SGCD: variants seen among roughly 807,000 people sequenced by gnomAD.
SGCD encodes sarcoglycan delta, also known as delta-sarcoglycan.
A neutral mutation model predicts 36.6 loss-of-function variants in SGCD; 18 were observed. The ratio of observed to expected loss-of-function variants is 0.49; its 90% CI spans 0.34 to 0.73. The LOEUF (loss-of-function observed/expected upper bound fraction) is 0.73, where lower values mean the gene tolerates loss of function less well. SGCD is among the 30% of genes least tolerant of loss of function. The pLI is 0.01. For missense variants in SGCD, 387 were observed against 346.7 expected (o/e 1.12, Z -0.92); for synonymous variants, 133 against 130.6 (o/e 1.02, Z -0.12).
At chr5:155,814,061 A>G in the SGCD span, among the ~76,000 whole-genome samples, 1 of 152,192 alleles carries the variant, frequency 6.6e-6, no homozygotes, top group African/African-American at 2.4e-5. Context: ...CTACATGGCT[A>G]ATTAGTGGTT....
In SGCD at chr5:156,053,614, A is replaced by C. The variant is rs1393974870; in HGVS notation, c.-281-64264A>C. On this transcript the variant is annotated intron_variant, in intron 1 of 9. Transcript: ENST00000517913. ...GAGCTCTTGTGTGATTCCCCTGGCC[A>C]TGTGCCTATGAAGCCAGCCTTAACT... 1.4e-5 allele frequency among the ~76,000 whole-genome samples: 2 copies of C among 146,314 alleles called. 1 individual carries two copies. Among genetic ancestry groups the C allele is most frequent in the Non-Finnish European group, 3.1e-5 (2 of 64,936 alleles).
chr5:155,942,334 G>GTATCTATCTATCTATC (rs67577711), intron 1 of SGCD, among the ~76,000 whole-genome samples: 2,712 of 138,426 alleles, frequency 0.02, 45 homozygotes, highest in South Asian at 0.029. Context: ...ATGTATGTAT[G>GTATCTATCTATCTATC]TATCTATCTA....
At chr5:156,641,907 T>C (rs76867717) in intron 6 of SGCD, among the ~76,000 whole-genome samples, 4,294 of 152,280 alleles carry the variant, frequency 0.028, 186 homozygotes, top group African/African-American at 0.098. Context: ...CTTCCTTAAG[T>C]GTCTTTTCCA....
At chr5:156,648,814 A>T (rs913578655) in intron 7 of SGCD, among the ~76,000 whole-genome samples, 7 of 152,150 alleles carry the variant, frequency 4.6e-5, no homozygotes, top group Non-Finnish European at 8.8e-5. Flanking sequence ...CGTCTGAGAA[A>T]ACCTGCTTTT....
intron 1 of SGCD, among the ~76,000 whole-genome samples, chr5:155,888,804 C>T (rs1468281245): frequency 6.6e-6 from 1 of 151,976 alleles, no homozygotes; most frequent in East Asian, 1.9e-4. Flanking sequence ...TCTTTTTTCC[C>T]GAATTTCTTC....
chr5:155,834,954 G>A, the SGCD span, among the ~76,000 whole-genome samples: 1 of 149,256 alleles, frequency 6.7e-6, no homozygotes, highest in Admixed American at 6.7e-5. Context: ...TCCTGCCTCG[G>A]CCTCCTGAGT....
At chr5:156,223,022 A>G (rs1764757656) in intron 3 of SGCD, among the ~76,000 whole-genome samples, 1 of 152,084 alleles carries the variant, frequency 6.6e-6, no homozygotes, top group African/African-American at 2.4e-5. Context: ...TACTATTGAG[A>G]TGCATTTTTC....
At chr5:155,893,279 C>T (rs1292551171) in intron 1 of SGCD, among the ~76,000 whole-genome samples, 3 of 151,950 alleles carry the variant, frequency 2.0e-5, no homozygotes, top group African/African-American at 4.8e-5. Context: ...AAAAATAAAA[C>T]GTTAGAAAAA....
intron 4 of SGCD, among the ~76,000 whole-genome samples, chr5:156,583,774 C>A (rs1320242364): frequency 6.6e-6 from 1 of 152,080 alleles, no homozygotes; most frequent in Non-Finnish European, 1.5e-5. Flanking sequence ...AATAAGACAG[C>A]CTACAAGTCT....
chr5:156,087,629 A>G (rs1240868962), intron 1 of SGCD, among the ~76,000 whole-genome samples: 2 of 142,518 alleles, frequency 1.4e-5, no homozygotes, highest in East Asian at 4.2e-4. Flanking sequence ...GACAAGAGTG[A>G]AACTCCATCT....
intron 1 of SGCD, among the ~76,000 whole-genome samples, chr5:156,061,693 A>G (rs1760210702): frequency 6.9e-6 from 1 of 145,772 alleles, no homozygotes; most frequent in Admixed American, 6.9e-5. Flanking sequence ...TTAGGAAGAA[A>G]TAGAAAACTA....
chr5:155,808,165 T>A, the SGCD span, among the ~76,000 whole-genome samples: 4 of 152,228 alleles, frequency 2.6e-5, no homozygotes, highest in African/African-American at 9.6e-5. Context: ...GTGGGCCTCA[T>A]TGTTTCCACT....
At chr5:156,741,815 A>G (rs1756688758) in intron 7 of SGCD, among the ~76,000 whole-genome samples, 1 of 152,114 alleles carries the variant, frequency 6.6e-6, no homozygotes, top group African/African-American at 2.4e-5. Context: ...TAGTCTTACC[A>G]GCCAAAAAGA....
At chr5:156,689,047 C>A (rs1754014311) in intron 7 of SGCD, among the ~76,000 whole-genome samples, 1 of 152,144 alleles carries the variant, frequency 6.6e-6, no homozygotes, top group Non-Finnish European at 1.5e-5. Context: ...TTGGATCCTG[C>A]ATTTTAAAAA....
chr5:156,609,123 C>T (rs1034245957), intron 6 of SGCD, among the ~76,000 whole-genome samples: 8 of 151,718 alleles, frequency 5.3e-5, no homozygotes, highest in African/African-American at 1.7e-4. Flanking sequence ...TTAGTTGATG[C>T]AGTTTCTTCC....
chr5:155,840,403 C>T, the SGCD span, among the ~76,000 whole-genome samples: 2 of 118,758 alleles, frequency 1.7e-5, no homozygotes, highest in Admixed American at 1.9e-4. Context: ...GCCACCACGC[C>T]CAGCTAAATT....
the SGCD span, among the ~76,000 whole-genome samples, chr5:155,774,625 T>A: frequency 6.6e-6 from 1 of 152,054 alleles, no homozygotes. Flanking sequence ...CCTTCCTCCA[T>A]CTATAAGACA....
At chr5:156,477,580 G>A (rs971641030) in intron 3 of SGCD, among the ~76,000 whole-genome samples, 1 of 151,162 alleles carries the variant, frequency 6.6e-6, no homozygotes, top group Non-Finnish European at 1.5e-5. Flanking sequence ...GAGACTTTCT[G>A]TCTCATGAGG....
intron 3 of SGCD, among the ~76,000 whole-genome samples, chr5:156,502,651 A>G (rs1756509855): frequency 1.3e-5 from 2 of 152,190 alleles, no homozygotes; most frequent in African/African-American, 4.8e-5. Context: ...TCAATCTTCT[A>G]AATACCTCTT....
Sources: allele counts gnomAD v4.1 joint callset (sites outside exome capture counted in the v4.1 genomes callset), GRCh38; gene constraint gnomAD v4.1.1; transcripts MANE v1.5; gene names NCBI Gene and HGNC (gene_info 2026-07-23, HGNC 2026-07-21).